The following TBX21 variants were observed in gnomAD, a reference collection of about 807,000 sequenced individuals.
The protein encoded by TBX21 is T-box transcription factor TBX21.
Under a neutral mutation model 52.2 loss-of-function variants are expected in TBX21, and 11 were observed. The ratio of observed to expected loss-of-function variants is 0.21; its 90% CI spans 0.13 to 0.35. The LOEUF (loss-of-function observed/expected upper bound fraction) is 0.35. Among genes scored for constraint, TBX21 ranks in the 10% least tolerant of loss-of-function variants. The pLI, the probability that TBX21 is intolerant of heterozygous loss-of-function variation, is 1.00. For synonymous variants in TBX21, 300 were observed against 316.1 expected (o/e 0.95, Z 0.54); for missense variants, 625 against 755.1 (o/e 0.83, Z 2.02).
At chr17:47,738,171 T>A (rs72648870) in intron 1 of TBX21, among the ~76,000 whole-genome samples, 13,928 of 152,212 alleles carry the variant, frequency 0.092, 691 homozygotes, top group South Asian at 0.2. Flanking sequence ...AAATTTTTTT[T>A]AAATGAGACA....
chr17:47,734,601 G>GTGTGTA (rs2032185413), intron 1 of TBX21, among the ~76,000 whole-genome samples: 3 of 116,262 alleles, frequency 2.6e-5, no homozygotes, highest in African/African-American at 3.2e-5. Context: ...GTGTGTGTGT[G>GTGTGTA]TGTGTGTGTA....
rs1225637706 is a variant in TBX21, at chr17:47,733,640, C to G, written c.186C>G (p.Ala62=). ...GSLGSPYPGG[A]LVPAPPSRFL... ...TGGGGTCTCCCTACCCGGGGGGCGC[C>G]TTGGTGCCCGCCCCGCCGAGCCGCT... is the stretch of plus-strand genomic sequence containing the variant. Residue 62 remains alanine (A), a synonymous_variant, in exon 1 of 6, where the codon GCC becomes GCG. Transcript: ENST00000177694. This position sits in a 1 kb window ranked among gnomAD's most constrained non-coding sequence, Gnocchi z 6.6. 1 of 1,448,470 alleles carries G rather than the reference C, an allele frequency of 6.9e-7. No homozygotes were observed. The highest frequency in any genetic ancestry group is 9.0e-7 in the Non-Finnish European group (1 of 1,105,342). The allele number at this position is 1,448,470 out of a possible 1,614,324, so 89.7% of individuals were successfully genotyped here.
At chr17:47,743,510 C>T (rs2032291478) in intron 3 of TBX21, among the ~76,000 whole-genome samples, 2 of 152,176 alleles carry the variant, frequency 1.3e-5, no homozygotes, top group Non-Finnish European at 2.9e-5. Context: ...TGCTCCGGCA[C>T]CATGAAAGGC....
chr17:47,737,227 G>A (rs916471144), intron 1 of TBX21, among the ~76,000 whole-genome samples: 2 of 152,160 alleles, frequency 1.3e-5, no homozygotes, highest in African/African-American at 4.8e-5. Context: ...GTGTGTGTGT[G>A]TTGCGAATGT....
intron 1 of TBX21, among the ~76,000 whole-genome samples, chr17:47,734,677 C>T (rs892690491): frequency 4.8e-4 from 71 of 148,616 alleles, no homozygotes; most frequent in African/African-American, 1.6e-3. Context: ...CAGATCCCTT[C>T]CAGGCACAAA....
rs1413119847 is a variant in TBX21 at position 47,733,773 on chromosome 17, G to A, written c.319G>A (p.Gly107Ser). ...CGCCGAGGGCTACCAGCCGGGCGAG[G>A]GCTACGCCGCCCCGGACCCGCGCGC... ...ADAEGYQPGEGYAAPDPRAGL... is the reference protein window; with the variant it reads ...ADAEGYQPGESYAAPDPRAGL... The change falls in exon 1 of 6, where the codon GGC becomes AGC. Residue 107 changes from glycine to serine, a missense_variant. Transcript: ENST00000177694. This position sits in a 1 kb window ranked among gnomAD's most constrained non-coding sequence, Gnocchi z 6.6. 1.3e-6 allele frequency: 2 copies of A among 1,534,864 alleles called. No individual in the cohort carries two copies. Among genetic ancestry groups the A allele is most frequent in the South Asian group, 2.4e-5 (2 of 83,420 alleles).
rs1335234863 is a variant in TBX21, at chr17:47,742,544, T to C, written c.492-66T>C. On this transcript the variant is annotated intron_variant, in intron 1 of 5. Coordinates refer to ENST00000177694, the MANE Select transcript of TBX21 (RefSeq NM_013351.2). This position sits in a 1 kb window ranked among gnomAD's most constrained non-coding sequence, Gnocchi z 4.4. ...GCACACCACTGATGCCTGGGCACTG[T>C]TGCAGGGGGGACTGGCTGTCAAGCT... 9.9e-6 allele frequency: 15 copies of C among 1,509,446 alleles called. No individual in the cohort carries two copies. In the African/African-American group the frequency reaches 2.1e-4, roughly 21 times the overall value. 93.5% of individuals were successfully genotyped at this position (1,509,446 alleles called of 1,614,324 possible). A position where few individuals can be genotyped will look rare whatever the true frequency, so the allele number is the denominator to read the frequency against.
chr17:47,744,463 C>G lies in TBX21; in HGVS notation c.928-19C>G. Reference sequence around the variant, plus strand: ...CCCCAGACTCAGGACTCAGGTGACTCTATTTCCCTTCTCTCTAGATTACTC... The same window carrying G: ...CCCCAGACTCAGGACTCAGGTGACTGTATTTCCCTTCTCTCTAGATTACTC... On this transcript the variant is annotated intron_variant, in intron 4 of 5. Coordinates refer to ENST00000177694, the MANE Select transcript of TBX21 (RefSeq NM_013351.2). 1.2e-6 allele frequency: 2 copies of G among 1,614,162 alleles called. No homozygotes were observed. Among genetic ancestry groups the G allele is most frequent in the South Asian group, 2.2e-5 (2 of 91,084 alleles).
chr17:47,742,978 TCCTTCCTTACGTCCCTCTCGGG>T lies in TBX21; in HGVS notation c.647-92_647-71del. 1 of 1,563,062 alleles carries T rather than the reference TCCTTCCTTACGTCCCTCTCGGG, an allele frequency of 6.4e-7. No individual in the cohort carries two copies. Among genetic ancestry groups the T allele is most frequent in the East Asian group, 2.2e-5 (1 of 44,546 alleles). On this transcript the variant is annotated intron_variant, in intron 2 of 5. Coordinates refer to ENST00000177694, the MANE Select transcript of TBX21 (RefSeq NM_013351.2). This position sits in a 1 kb window ranked among gnomAD's most constrained non-coding sequence, Gnocchi z 4.4. ...TTCCCTGCCTGGTCCTCCCCCTGTGTCCTTCCTTACGTCCCTCTCGGGACAGGCAAAGCCCTACATCACCAGG... is the reference window on the plus strand; with the variant it reads ...TTCCCTGCCTGGTCCTCCCCCTGTGTACAGGCAAAGCCCTACATCACCAGG...
Position 47,733,360 on chromosome 17 carries a change from G to A in TBX21, c.-95G>A. On this transcript the variant is annotated 5_prime_UTR_variant, in exon 1 of 6. Transcript: ENST00000177694. The surrounding 1 kb of genome is among the most constrained non-coding windows in gnomAD (Gnocchi z 6.6). ...CCCCCACCCGGCCCTCGGGTCCCCCGCCCCCTGCTCCCTGCCCATCCCAGC... is the reference window on the plus strand; with the variant it reads ...CCCCCACCCGGCCCTCGGGTCCCCCACCCCCTGCTCCCTGCCCATCCCAGC... The A allele has an allele frequency of 7.5e-7, 1 of 1,328,426 alleles. No individual in the cohort carries two copies. The highest frequency in any genetic ancestry group is 9.6e-7 in the Non-Finnish European group (1 of 1,037,632). The allele number at this position is 1,328,426 out of a possible 1,614,324, so 82.3% of individuals were successfully genotyped here. A position where few individuals can be genotyped will look rare whatever the true frequency, so the allele number is the denominator to read the frequency against.
Position 47,745,049 on chromosome 17 carries a change from G to T in TBX21, c.1291G>T (p.Gly431Cys). The T allele has an allele frequency of 1.2e-6, 2 of 1,612,868 alleles. No individual in the cohort carries two copies. Among genetic ancestry groups the T allele is most frequent in the South Asian group, 2.2e-5 (2 of 91,084 alleles). ...RGQEVLAPGA[G>C]WPVAPQYPPK... ...CCAGGAGGTCCTGGCACCTGGAGCTGGCTGGCCTGTGGCACCCCAGTACCC... is the reference window on the plus strand; with the variant it reads ...CCAGGAGGTCCTGGCACCTGGAGCTTGCTGGCCTGTGGCACCCCAGTACCC... The change falls in exon 6 of 6, where the codon GGC becomes TGC. Residue 431 changes from glycine (G) to cysteine (C), a missense_variant. Gly to Cys is a radical substitution (Grantham distance 159). Coordinates refer to ENST00000177694, the MANE Select transcript of TBX21 (RefSeq NM_013351.2).
chr17:47,740,847 G>C (rs1485705347), intron 1 of TBX21, among the ~76,000 whole-genome samples: 2 of 152,098 alleles, frequency 1.3e-5, no homozygotes, highest in Non-Finnish European at 2.9e-5. Context: ...ACCCTTCTAG[G>C]ACACCTTCCC....
In TBX21 at chr17:47,741,510, T is replaced by G. The variant is rs149140366; in HGVS notation, c.492-1100T>G. Among the ~76,000 whole-genome samples, 315 of 152,344 alleles carry G rather than the reference T, an allele frequency of 2.1e-3. 3 individuals are homozygous for G. The Middle Eastern group carries it at 0.024, about 12-fold the overall frequency. On this transcript the variant is annotated intron_variant, in intron 1 of 5. Coordinates refer to ENST00000177694, the MANE Select transcript of TBX21 (RefSeq NM_013351.2). ...AAGGACTTTGAACATGAGCCCCGTG[T>G]TCAATAGAGCCTTCTTTCAGGTGGA...
Position 47,733,614 on chromosome 17 carries a change from C to G in TBX21, c.160C>G (p.Leu54Val), listed in dbSNP as rs2032166900. 6.9e-7 allele frequency: 1 copy of G among 1,453,798 alleles called. No individual in the cohort carries two copies. The highest frequency in any genetic ancestry group is 1.4e-5 in the South Asian group (1 of 73,730). 90.1% of individuals were successfully genotyped at this position (1,453,798 alleles called of 1,614,324 possible). The change falls in exon 1 of 6, where the codon CTG (leucine) becomes GTG (valine). Residue 54 changes from leucine (L) to valine (V), a missense_variant. Physicochemically the swap from Leu to Val is conservative, Grantham distance 32. This residue lies in a region of TBX21 where 221 missense variants were observed against 204.9 expected (regional missense o/e 1.08). Transcript: ENST00000177694. The surrounding 1 kb of genome is among the most constrained non-coding windows in gnomAD (Gnocchi z 6.6). ...DADERRGGGS[L>V]GSPYPGGALV... Reference sequence around the variant, plus strand: ...GGACGAGCGTCGCGGGGGCGGCAGCCTGGGGTCTCCCTACCCGGGGGGCGC... The same window carrying G: ...GGACGAGCGTCGCGGGGGCGGCAGCGTGGGGTCTCCCTACCCGGGGGGCGC...
intron 1 of TBX21, among the ~76,000 whole-genome samples, chr17:47,740,862 T>G (rs1297955997): frequency 6.6e-6 from 1 of 152,046 alleles, no homozygotes; most frequent in Non-Finnish European, 1.5e-5. Flanking sequence ...CTTCCCAAGG[T>G]TGTTAGGTAA....
chr17:47,744,726 C>T (rs11650354), intron 5 of TBX21, 22 bp from the exon 6 acceptor site: 265,323 of 1,601,660 alleles, frequency 0.17, 23,100 homozygotes, highest in South Asian at 0.18. Context: ...GACCCGTTTT[C>T]TTGCCTTCTA....
At chr17:47,735,142 C>T (rs563684675) in intron 1 of TBX21, among the ~76,000 whole-genome samples, 23 of 152,014 alleles carry the variant, frequency 1.5e-4, no homozygotes, top group African/African-American at 2.2e-4. Context: ...GGATACCAAA[C>T]GTGGGGCTTG....
chr17:47,744,167 C>G, intron 3 of TBX21, 28 bp from the exon 4 acceptor site: 1 of 1,608,042 alleles, frequency 6.2e-7, no homozygotes, highest in Non-Finnish European at 8.5e-7. Context: ...TCCTCCCCAC[C>G]CCTACAACCG....
chr17:47,744,072 G>T, intron 3 of TBX21, 123 bp from the exon 4 acceptor site: 1 of 1,248,016 alleles, frequency 8.0e-7, no homozygotes. Flanking sequence ...GGCAGAGCAG[G>T]GGAATGGACA....
Sources: allele counts gnomAD v4.1 joint callset (sites outside exome capture counted in the v4.1 genomes callset), GRCh38; gene constraint gnomAD v4.1.1; regional missense constraint gnomAD v4.1.1; non-coding constraint Gnocchi (gnomAD v3.1); transcripts MANE v1.5; gene names NCBI Gene and HGNC (gene_info 2026-07-23, HGNC 2026-07-21).